The following ABCB7 variants were observed in gnomAD, a reference collection of about 807,000 sequenced individuals.
The protein encoded by ABCB7 is ATP binding cassette subfamily B member 7.
In ABCB7, 7 loss-of-function variants were observed where a neutral mutation model predicts 54.4. The ratio of observed to expected loss-of-function variants is 0.13; its 90% CI spans 0.07 to 0.24. The LOEUF (loss-of-function observed/expected upper bound fraction) is 0.24. Ranked by LOEUF, ABCB7 falls within the 10% of genes least tolerant of loss-of-function variation. The pLI is 1.00. For synonymous variants in ABCB7, 218 were observed against 207.1 expected (o/e 1.05, Z -0.45); for missense variants, 356 against 570.4 (o/e 0.62, Z 3.83).
chrX:75,064,024 T>G (rs1232368573), intron 13 of ABCB7, among the ~76,000 whole-genome samples: 1 of 111,165 alleles, frequency 9.0e-6, no homozygotes, highest in Non-Finnish European at 1.9e-5. Context: ...GTGGGCCAGA[T>G]AACTGGAAAT....
At chrX:75,075,947 T>A (rs773554508) in intron 5 of ABCB7, among the ~76,000 whole-genome samples, 9 of 111,655 alleles carry the variant, frequency 8.1e-5, no homozygotes, top group Middle Eastern at 4.6e-3. Flanking sequence ...AGGTTTTTTT[T>A]ATCTAATTTA....
intron 3 of ABCB7, among the ~76,000 whole-genome samples, chrX:75,104,037 T>G: frequency 1.0e-5 from 1 of 97,170 alleles, no homozygotes; most frequent in Admixed American, 1.2e-4. Flanking sequence ...GGCATCCCTG[T>G]CTTGTTACAG....
intron 1 of ABCB7, among the ~76,000 whole-genome samples, chrX:75,153,133 A>G (rs2082145110): frequency 9.0e-6 from 1 of 110,659 alleles, no homozygotes; most frequent in Non-Finnish European, 1.9e-5. Flanking sequence ...GCTGGAGTGC[A>G]CTGGCGCGAT....
intron 9 of ABCB7, among the ~76,000 whole-genome samples, chrX:75,070,849 T>C (rs1220334808): frequency 4.5e-5 from 5 of 111,128 alleles, no homozygotes; most frequent in Admixed American, 3.8e-4. Context: ...AAACAGGAAT[T>C]TAAAAATTAG....
rs1004543728 is a variant in ABCB7, at chrX:75,133,110, A to G, written c.169-18279T>C. Among the ~76,000 whole-genome samples, 4 of 112,154 alleles carry G rather than the reference A, an allele frequency of 3.6e-5. No individual in the cohort carries two copies. The East Asian group carries it at 8.4e-4, about 24-fold the overall frequency. On this transcript the variant is annotated intron_variant, in intron 1 of 15. Transcript: ENST00000373394. ...ATACAATAAAATGATTTAAGAGATG[A>G]AAGACAAAATAGCCATGTTAAGAAA...
At chrX:75,155,267 G>A (rs2082165217) in intron 1 of ABCB7, among the ~76,000 whole-genome samples, 1 of 113,004 alleles carries the variant, frequency 8.8e-6, no homozygotes, top group Non-Finnish European at 1.9e-5. Flanking sequence ...TTAAGAGGTT[G>A]TTTCTCATAC....
chrX:75,116,586 T>G (rs1002940462), intron 1 of ABCB7, among the ~76,000 whole-genome samples: 1 of 111,252 alleles, frequency 9.0e-6, no homozygotes, highest in African/African-American at 3.3e-5. Context: ...ATCTGCAAAA[T>G]GGACACACAC....
chrX:75,146,789 CAACTGCAACAAAAGT>C lies in ABCB7; in HGVS notation c.168+9301_168+9315del, dbSNP rs2082093949. 5.4e-5 allele frequency among the ~76,000 whole-genome samples: 6 copies of C among 111,521 alleles called. No individual in the cohort carries two copies. The Admixed American group carries it at 5.7e-4, about 11-fold the overall frequency. On this transcript the variant is annotated intron_variant, in intron 1 of 15. Coordinates refer to ENST00000373394, the MANE Select transcript of ABCB7 (RefSeq NM_001271696.3). ...GATTTCATGACAAAAACAACAAAAG[CAACTGCAACAAAAGT>C]AAAAATTGACAAATGAGGTCTAATT...
chrX:75,100,255 A>AT (rs1304311837), intron 3 of ABCB7, among the ~76,000 whole-genome samples: 1 of 110,403 alleles, frequency 9.1e-6, no homozygotes, highest in African/African-American at 3.3e-5. Flanking sequence ...CTTTGTCCTT[A>AT]TCTAGTAAGT....
intron 1 of ABCB7, among the ~76,000 whole-genome samples, chrX:75,129,449 G>T (rs1248814962): frequency 9.1e-6 from 1 of 110,182 alleles, no homozygotes; most frequent in African/African-American, 3.3e-5. Flanking sequence ...CCCATTTGGG[G>T]TTGGGGAGCA....
chrX:75,081,963 T>C (rs1242519477), intron 4 of ABCB7, among the ~76,000 whole-genome samples: 1 of 109,394 alleles, frequency 9.1e-6, no homozygotes, highest in Non-Finnish European at 1.9e-5. Context: ...CCTATGGAGC[T>C]GTAACAAAAC....
rs1184781764 is a variant in ABCB7 at position 75,073,962 on chromosome X, AAAGG to A, written c.856-10_856-7del. On this transcript the variant is annotated splice_polypyrimidine_tract_variant and splice_region_variant and intron_variant, in intron 6 of 15. Coordinates refer to ENST00000373394, the MANE Select transcript of ABCB7 (RefSeq NM_001271696.3). ...TGGGCACCGCATTTGTAATACTAGA[AAAGG>A]AAGTCCAAAGAAGAAACGTGAAACA... is the stretch of plus-strand genomic sequence containing the variant. 8.4e-7 allele frequency: 1 copy of A among 1,187,692 alleles called. No homozygotes were observed. The highest frequency in any genetic ancestry group is 2.2e-5 in the Admixed American group (1 of 45,921).
intron 4 of ABCB7, among the ~76,000 whole-genome samples, chrX:75,085,428 A>T (rs1181806781): frequency 8.9e-6 from 1 of 111,735 alleles, no homozygotes; most frequent in Non-Finnish European, 1.9e-5. Flanking sequence ...AATGTTACCC[A>T]GCAGCTAGGG....
intron 15 of ABCB7, among the ~76,000 whole-genome samples, chrX:75,053,931 T>C (rs2081215285): frequency 8.9e-6 from 1 of 112,206 alleles, no homozygotes; most frequent in Non-Finnish European, 1.9e-5. Context: ...TCAGCAAATA[T>C]TCAAATCAAA....
chrX:75,112,811 AT>A, intron 3 of ABCB7, 74 bp downstream of exon 3: 2 of 824,276 alleles, frequency 2.4e-6, no homozygotes, highest in Admixed American at 4.4e-5. Context: ...CTAGGATATT[AT>A]AATCTTAAAT....
At chrX:75,100,086 A>G (rs1377936989) in intron 3 of ABCB7, among the ~76,000 whole-genome samples, 1 of 111,006 alleles carries the variant, frequency 9.0e-6, no homozygotes, top group African/African-American at 3.3e-5. Context: ...TATGCTAAAA[A>G]AAAACCCTTA....
intron 1 of ABCB7, among the ~76,000 whole-genome samples, chrX:75,155,517 G>A (rs1239062579): frequency 1.8e-5 from 2 of 111,890 alleles, no homozygotes; most frequent in Non-Finnish European, 3.8e-5. Context: ...TGTGCACAGA[G>A]AACATCACTG....
At chrX:75,142,026 A>C (rs2082057799) in intron 1 of ABCB7, among the ~76,000 whole-genome samples, 2 of 111,741 alleles carry the variant, frequency 1.8e-5, no homozygotes, top group Admixed American at 1.9e-4. Context: ...GGTATAAATA[A>C]ATTAATGATT....
At chrX:75,126,452 G>A (rs1345000729) in intron 1 of ABCB7, among the ~76,000 whole-genome samples, 1 of 111,013 alleles carries the variant, frequency 9.0e-6, no homozygotes, top group African/African-American at 3.3e-5. Flanking sequence ...TGAGAAAGCG[G>A]GAAAGATCTA....
Sources: gnomAD v4.1 joint callset for allele counts (sites outside exome capture counted in the v4.1 genomes callset) on GRCh38, gnomAD v4.1.1 for gene constraint, MANE v1.5 for transcripts, NCBI Gene and HGNC (gene_info 2026-07-23, HGNC 2026-07-21) for gene names.